KSR2: variants seen among roughly 807,000 people sequenced by gnomAD.
KSR2 encodes the protein kinase suppressor of ras 2.
A neutral mutation model predicts 107.8 loss-of-function variants in KSR2; 25 were observed. The ratio of observed to expected loss-of-function variants is 0.23; its 90% confidence interval spans 0.17 to 0.32. The LOEUF is 0.32. Ranked by LOEUF, KSR2 falls within the 10% of genes least tolerant of loss-of-function variation. KSR2 has a pLI of 1.00. For synonymous variants in KSR2, 480 were observed against 507.0 expected (o/e 0.95, Z 0.71); for missense variants, 887 against 1,268.9 (o/e 0.70, Z 4.57).
At chr12:117,506,302 G>C (rs1268979374) in intron 14 of KSR2, among the ~76,000 whole-genome samples, 4 of 152,162 alleles carry the variant, frequency 2.6e-5, no homozygotes, top group African/African-American at 9.7e-5. Flanking sequence ...AGGCAGCCTG[G>C]AAGAATTAGA....
intron 5 of KSR2, among the ~76,000 whole-genome samples, chr12:117,592,850 G>T (rs1185395997): frequency 1.3e-5 from 2 of 152,068 alleles, no homozygotes; most frequent in Admixed American, 6.5e-5. Flanking sequence ...GTGGCCAATC[G>T]GGGGGTGGGG....
chr12:117,873,461 CTTT>C (rs546188012), intron 1 of KSR2, among the ~76,000 whole-genome samples: 1 of 119,506 alleles, frequency 8.4e-6, no homozygotes, highest in Non-Finnish European at 1.7e-5. Flanking sequence ...GTTCATGGTG[CTTT>C]TTTTTTTTTT....
At chr12:117,633,320 C>T (rs1882896344) in intron 5 of KSR2, among the ~76,000 whole-genome samples, 1 of 152,338 alleles carries the variant, frequency 6.6e-6, no homozygotes, top group African/African-American at 2.4e-5. Context: ...TATCTGGCTC[C>T]TCCTTCATCT....
At chr12:117,934,313 G>A (rs1009196124) in intron 1 of KSR2, among the ~76,000 whole-genome samples, 11 of 152,126 alleles carry the variant, frequency 7.2e-5, no homozygotes, top group African/African-American at 2.7e-4. Context: ...TTGACTCCAG[G>A]AGTAGAGAAA....
intron 3 of KSR2, among the ~76,000 whole-genome samples, chr12:117,801,623 G>A (rs937007699): frequency 4.6e-5 from 7 of 151,982 alleles, no homozygotes; most frequent in South Asian, 2.1e-4. Flanking sequence ...GAGGTCCCAC[G>A]CACTTTCAAA....
chr12:117,873,654 T>C (rs1051514983), intron 1 of KSR2, among the ~76,000 whole-genome samples: 1 of 152,028 alleles, frequency 6.6e-6, no homozygotes, highest in Non-Finnish European at 1.5e-5. Context: ...AGAGATGGGG[T>C]TTCACCATGT....
At position 117,761,123 on chromosome 12, in the gene KSR2, G is replaced by A. The variant is rs770162518; in HGVS notation, c.874C>T (p.Pro292Ser). 6.2e-7 allele frequency: 1 copy of A among 1,613,240 alleles called. No individual in the cohort carries two copies. Among genetic ancestry groups the A allele is most frequent in the African/African-American group, 1.3e-5 (1 of 74,914 alleles). The change falls in exon 4 of 20, where the codon CCG becomes TCG. Residue 292 changes from proline to serine, a missense_variant. This residue lies in a region of KSR2 where 399 missense variants were observed against 479.5 expected (regional missense o/e 0.83). Transcript: ENST00000339824. ...KNKLKPPGTP[P>S]PSSRKLIHLI... is the part of the protein sequence containing the mutation. ...TGTATCAGTTTTCGGGAGGAGGGCG[G>A]TGGGGTCCCCGGGGGCTTCAGCTTG...
intron 7 of KSR2, among the ~76,000 whole-genome samples, chr12:117,563,533 T>C (rs1447567758): frequency 6.6e-6 from 1 of 152,096 alleles, no homozygotes; most frequent in Admixed American, 6.5e-5. Context: ...TGAGGACTAA[T>C]GATATAATGC....
intron 1 of KSR2, among the ~76,000 whole-genome samples, chr12:117,936,053 T>C (rs1348927289): frequency 3.9e-5 from 6 of 152,252 alleles, no homozygotes; most frequent in Admixed American, 3.3e-4. Flanking sequence ...CTTTTTTTTT[T>C]TGAGACAGGG....
intron 1 of KSR2, among the ~76,000 whole-genome samples, chr12:117,873,714 G>GCCTC (rs1893738353): frequency 6.6e-6 from 1 of 152,144 alleles, no homozygotes; most frequent in South Asian, 2.1e-4. Context: ...GCCTGCCTTG[G>GCCTC]CCTCCCAAGG....
At chr12:117,909,498 A>C (rs1894952593) in intron 1 of KSR2, among the ~76,000 whole-genome samples, 1 of 152,224 alleles carries the variant, frequency 6.6e-6, no homozygotes, top group Non-Finnish European at 1.5e-5. Flanking sequence ...TGGTATGTGT[A>C]TGCCTGTTAA....
At position 117,820,053 on chromosome 12, in the gene KSR2, T is replaced by C. The variant is rs77708711; in HGVS notation, c.472+35375A>G. 7.3e-3 allele frequency among the ~76,000 whole-genome samples: 1,112 copies of C among 152,378 alleles called. 62 individuals are homozygous for C. In the East Asian group the frequency reaches 0.13, roughly 18 times the overall value. ...AATATGAGCAAGATTATGGGTGATT[T>C]GGTTTTCTTTTTTTACATATTTCTT... On this transcript the variant is annotated intron_variant, in intron 3 of 19. Coordinates refer to ENST00000339824, the MANE Select transcript of KSR2 (RefSeq NM_173598.6).
In KSR2 at chr12:117,925,200, T is replaced by A. The variant is rs889711410; in HGVS notation, c.180+42876A>T. 2.6e-5 allele frequency among the ~76,000 whole-genome samples: 4 copies of A among 151,808 alleles called. No individual in the cohort carries two copies. In the East Asian group the frequency reaches 7.7e-4, roughly 29 times the overall value. The stretch of plus-strand genomic sequence containing the variant: ...GTGCAGTGGTTTGATCTTGGCTCAC[T>A]GCATCCTCCACCTCCCAGGCTCAAG... On this transcript the variant is annotated intron_variant, in intron 1 of 19. Transcript: ENST00000339824.
rs1423599132 is a variant in KSR2 at position 117,527,103 on chromosome 12, A to C, written c.1819T>G (p.Leu607Val). The C allele has an allele frequency of 1.2e-6, 2 of 1,613,390 alleles. No homozygotes were observed. The highest frequency in any genetic ancestry group is 2.7e-5 in the African/African-American group (2 of 75,036). ...TSNPILEGNPLLQIEVEPTSE... is the reference protein window; with the variant it reads ...TSNPILEGNPVLQIEVEPTSE... ...GTTGGCTCCACTTCAATTTGAAGTA[A>C]TGGATTTCCTTCCAAGCTGTAAAGA... is the stretch of plus-strand genomic sequence containing the variant. The change falls in exon 13 of 20, where the codon TTA becomes GTA. Residue 607 changes from leucine (L) to valine (V), a missense_variant. By Grantham distance (32) the Leu-to-Val change is conservative. Coordinates refer to ENST00000339824, the MANE Select transcript of KSR2 (RefSeq NM_173598.6).
chr12:117,477,089 G>A (rs1580855), intron 16 of KSR2, among the ~76,000 whole-genome samples: 1 of 152,034 alleles, frequency 6.6e-6, no homozygotes, highest in African/African-American at 2.4e-5. Context: ...GCAGCCCTAC[G>A]AACAGGTGCC....
At chr12:117,747,675 C>G (rs1888461844) in intron 4 of KSR2, among the ~76,000 whole-genome samples, 1 of 152,028 alleles carries the variant, frequency 6.6e-6, no homozygotes, top group Admixed American at 6.6e-5. Flanking sequence ...AGAAAACATG[C>G]AAATGACCAA....
chr12:117,894,770 C>T (rs1894457419), intron 1 of KSR2, among the ~76,000 whole-genome samples: 2 of 146,230 alleles, frequency 1.4e-5, no homozygotes, highest in Admixed American at 1.4e-4. Flanking sequence ...TCACTCTGGC[C>T]ACGTGAAGAC....
chr12:117,831,855 T>C (rs1422827208), intron 3 of KSR2, among the ~76,000 whole-genome samples: 1 of 152,234 alleles, frequency 6.6e-6, no homozygotes, highest in East Asian at 1.9e-4. Flanking sequence ...TGGTTAAAGC[T>C]GAATGCATAG....
chr12:117,593,411 GCAGACCA>G (rs1880440263), intron 5 of KSR2, among the ~76,000 whole-genome samples: 1 of 152,210 alleles, frequency 6.6e-6, no homozygotes, highest in Admixed American at 6.5e-5. Flanking sequence ...TGGGAGACAC[GCAGACCA>G]CAGCCTGGAA....
Sources: allele counts gnomAD v4.1 joint callset (sites outside exome capture counted in the v4.1 genomes callset), GRCh38; gene constraint gnomAD v4.1.1; regional missense constraint gnomAD v4.1.1; transcripts MANE v1.5; gene names NCBI Gene and HGNC (gene_info 2026-07-23, HGNC 2026-07-21).